GNAS: variants seen among roughly 807,000 people sequenced by gnomAD.
GNAS encodes protein ALEX.
A neutral mutation model predicts 54.5 loss-of-function variants in GNAS; 8 were observed. That is an observed-to-expected ratio of 0.15 (90% CI 0.09 to 0.26). The LOEUF (loss-of-function observed/expected upper bound fraction) is 0.26, where lower values mean the gene tolerates loss of function less well. GNAS is among the 10% of genes least tolerant of loss of function. GNAS has a pLI of 1.00. For synonymous variants in GNAS, 204 were observed against 191.4 expected, an observed-to-expected ratio of 1.07 and a Z score of -0.54; for missense variants, 170 against 529.8, an observed-to-expected ratio of 0.32 and a Z score of 6.67.
chr20:58,869,384 C>A (rs2087285339), intron 1 of GNAS, among the ~76,000 whole-genome samples: 1 of 152,176 alleles, frequency 6.6e-6, no homozygotes, highest in Non-Finnish European at 1.5e-5. Flanking sequence ...AATGGTAGGG[C>A]CCTCTGTTGT....
intron 1 of GNAS, chr20:58,848,790 C>T (rs2145522542): frequency 2.5e-6 from 1 of 397,944 alleles, no homozygotes; most frequent in East Asian, 3.6e-5. Flanking sequence ...CTTGCAGGTG[C>T]CACAGGTGGG....
chr20:58,853,590 C>A lies in GNAS; in HGVS notation c.43+12704C>A. The A allele has an allele frequency of 6.2e-7, 1 of 1,613,306 alleles. No homozygotes were observed. The highest frequency in any genetic ancestry group is 1.3e-5 in the African/African-American group (1 of 75,048). ...AGCAATGCCCTTCGAGGCTGAACAGCCCAGCTTGGGAGGCTTCTGGCCTAC... is the reference window on the plus strand; with the variant it reads ...AGCAATGCCCTTCGAGGCTGAACAGACCAGCTTGGGAGGCTTCTGGCCTAC... On this transcript the variant is annotated intron_variant, in intron 1 of 12. Transcript: ENST00000306090. The surrounding 1 kb of genome is among the most constrained non-coding windows in gnomAD (Gnocchi z 4.4).
In GNAS at chr20:58,910,326, T is replaced by C. The variant is rs1463095838; in HGVS notation, c.971-8T>C. 2.5e-6 allele frequency: 4 copies of C among 1,598,614 alleles called. No individual in the cohort carries two copies. Among genetic ancestry groups the C allele is most frequent in the Non-Finnish European group, 3.4e-6 (4 of 1,165,922 alleles). On this transcript the variant is annotated splice_region_variant and splice_polypyrimidine_tract_variant and intron_variant, in intron 11 of 12. Transcript: ENST00000371085. The surrounding 1 kb of genome is among the most constrained non-coding windows in gnomAD (Gnocchi z 5.8). ...AATTACATTAATATGTATTCCCTTT[T>C]TATATAGCTACTCCCGAGCCCGGAG...
Position 58,880,052 on chromosome 20 carries a change from C to T in GNAS, c.44-15560C>T, listed in dbSNP as rs2088124580. Among the ~76,000 whole-genome samples the T allele has an allele frequency of 2.0e-5, 3 of 152,070 alleles. No individual in the cohort carries two copies. The South Asian group carries it at 6.2e-4, about 32-fold the overall frequency. On this transcript the variant is annotated intron_variant, in intron 1 of 12. Coordinates refer to the GNAS transcript ENST00000306090. ...GAGACTAGATAATCTCTCTCTCTCTCTTTTTCCTCGTGTGCATAGCCAGTT... is the reference window on the plus strand; with the variant it reads ...GAGACTAGATAATCTCTCTCTCTCTTTTTTTCCTCGTGTGCATAGCCAGTT...
upstream of GNAS, among the ~76,000 whole-genome samples, chr20:58,886,396 C>A (rs948927504): frequency 6.6e-6 from 1 of 152,146 alleles, no homozygotes; most frequent in African/African-American, 2.4e-5. Flanking sequence ...AGCCAGAGAT[C>A]TGTGCTTTCC....
upstream of GNAS, chr20:58,889,296 GGGC>G: frequency 3.0e-6 from 3 of 990,186 alleles, no homozygotes; most frequent in Non-Finnish European, 3.6e-6. Context: ...TCCCGGCGCG[GGGC>G]GGCGGCGGGC....
In GNAS at chr20:58,891,630, C is replaced by A. The variant is rs2089340211; in HGVS notation, c.-97C>A. ...AGGAGCCGAGCCCGCGCCCGGCCCGCCCGCCCGGCGCTGCCCCGGCCCTCC... is the reference window on the plus strand; with the variant it reads ...AGGAGCCGAGCCCGCGCCCGGCCCGACCGCCCGGCGCTGCCCCGGCCCTCC... On this transcript the variant is annotated 5_prime_UTR_variant, in exon 1 of 13. Coordinates refer to ENST00000371085, the MANE Select transcript of GNAS (RefSeq NM_000516.7). 1 of 971,068 alleles carries A rather than the reference C, an allele frequency of 1.0e-6. No homozygotes were observed. Among genetic ancestry groups the A allele is most frequent in the African/African-American group, 1.8e-5 (1 of 55,014 alleles). 60.2% of individuals were successfully genotyped at this position (971,068 alleles called of 1,614,324 possible). A position where few individuals can be genotyped will look rare whatever the true frequency, so the allele number is the denominator to read the frequency against.
chr20:58,864,341 TG>T (rs900952549), intron 1 of GNAS, among the ~76,000 whole-genome samples: 2 of 152,098 alleles, frequency 1.3e-5, no homozygotes, highest in South Asian at 2.1e-4. Flanking sequence ...TCGATTTTTT[TG>T]GGGGGGCCTT....
At chr20:58,851,865 G>C in intron 1 of GNAS, among the ~76,000 whole-genome samples, 1 of 152,190 alleles carries the variant, frequency 6.6e-6, no homozygotes, top group East Asian at 1.9e-4. Flanking sequence ...GGAGCTGACT[G>C]ACCAGCGCTG....
rs1280845106 is a variant in GNAS, at chr20:58,841,906, G to T, written c.43+1020G>T. ...GCGGAACAAGGGACAGGCTGGAGACGGGGGTCGCGTCTAACATCAGGATAA... is the reference window on the plus strand; with the variant it reads ...GCGGAACAAGGGACAGGCTGGAGACTGGGGTCGCGTCTAACATCAGGATAA... On this transcript the variant is annotated intron_variant, in intron 1 of 12. Transcript: ENST00000306090. The surrounding 1 kb of genome is among the most constrained non-coding windows in gnomAD (Gnocchi z 5.0). 2 of 1,227,998 alleles carry T rather than the reference G, an allele frequency of 1.6e-6. No homozygotes were observed. The highest frequency in any genetic ancestry group is 8.3e-5 in the South Asian group (2 of 24,114). The allele number at this position is 1,227,998 out of a possible 1,614,324, so 76.1% of individuals were successfully genotyped here. A position where few individuals can be genotyped will look rare whatever the true frequency, so the allele number is the denominator to read the frequency against.
At chr20:58,847,111 G>A (rs2085968830) in intron 1 of GNAS, among the ~76,000 whole-genome samples, 1 of 152,250 alleles carries the variant, frequency 6.6e-6, no homozygotes, top group South Asian at 2.1e-4. Context: ...TGCCTTGGCT[G>A]AAACAGAATT....
chr20:58,908,265 C>T (rs781347564), intron 6 of GNAS, among the ~76,000 whole-genome samples: 1 of 152,152 alleles, frequency 6.6e-6, no homozygotes. Context: ...ATATTAATTA[C>T]CCCAATCTTT....
upstream of GNAS, chr20:58,840,415 C>A (rs373276011): frequency 1.2e-6 from 2 of 1,613,524 alleles, no homozygotes; most frequent in East Asian, 4.5e-5. This position sits in a 1 kb window ranked among gnomAD's most constrained non-coding sequence, Gnocchi z 6.0. Context: ...GCCTAGAGTA[C>A]GAGGAAGAGT....
rs796548821 is a variant in GNAS, at chr20:58,857,865, G to T, written c.43+16979G>T. 6.6e-6 allele frequency among the ~76,000 whole-genome samples: 1 copy of T among 152,160 alleles called. No homozygotes were observed. Among genetic ancestry groups the T allele is most frequent in the African/African-American group, 2.4e-5 (1 of 41,442 alleles). On this transcript the variant is annotated intron_variant, in intron 1 of 12. Coordinates refer to the GNAS transcript ENST00000306090. The surrounding 1 kb of genome is among the most constrained non-coding windows in gnomAD (Gnocchi z 4.1). ...AAAGGAAATTTGCTGGGGTCACCTTGTACCTTGTCCTGGCTTTGTTCTCGG... is the reference window on the plus strand; with the variant it reads ...AAAGGAAATTTGCTGGGGTCACCTTTTACCTTGTCCTGGCTTTGTTCTCGG...
intron 1 of GNAS, among the ~76,000 whole-genome samples, chr20:58,894,394 C>G (rs892120996): frequency 9.2e-5 from 14 of 152,290 alleles, no homozygotes; most frequent in African/African-American, 3.1e-4. Flanking sequence ...ATCAATGTTT[C>G]TGTGGAAACT....
chr20:58,874,700 T>C (rs2087689362), intron 1 of GNAS, among the ~76,000 whole-genome samples: 1 of 152,056 alleles, frequency 6.6e-6, no homozygotes, highest in African/African-American at 2.4e-5. Context: ...TCTTTGCTCC[T>C]GGCCTGCCCT....
chr20:58,909,253 C>A lies in GNAS; in HGVS notation c.585+37C>A. The A allele has an allele frequency of 6.2e-7, 1 of 1,600,930 alleles. No individual in the cohort carries two copies. Among genetic ancestry groups the A allele is most frequent in the South Asian group, 1.1e-5 (1 of 90,838 alleles). ...CCCTCCCCACCAGAGGACTCTGAGC[C>A]CTCTTTCCAAACTACTCCAGACCTT... On this transcript the variant is annotated intron_variant, in intron 7 of 12. Transcript: ENST00000371085. The surrounding 1 kb of genome is among the most constrained non-coding windows in gnomAD (Gnocchi z 7.3).
chr20:58,900,242 A>G, intron 3 of GNAS: 1 of 517,160 alleles, frequency 1.9e-6, no homozygotes, highest in Non-Finnish European at 3.5e-6. Context: ...TTGGCATTTG[A>G]GCAAGATATG....
At chr20:58,889,062 G>T, upstream of GNAS, 1 of 1,014,252 alleles carries the variant, frequency 9.9e-7, no homozygotes, top group Non-Finnish European at 1.2e-6. Context: ...TCCCCGGTGG[G>T]CCGATTTTTC....
Sources: gnomAD v4.1 joint callset for allele counts (sites outside exome capture counted in the v4.1 genomes callset) on GRCh38, gnomAD v4.1.1 for gene constraint, Gnocchi (gnomAD v3.1) non-coding constraint, MANE v1.5 for transcripts, NCBI Gene and HGNC (gene_info 2026-07-23, HGNC 2026-07-21) for gene names.